Variants in SPRY3 observed in about 807,000 individuals in gnomAD.
SPRY3 encodes the protein protein sprouty homolog 3.
In SPRY3, 15 loss-of-function variants were observed where a neutral mutation model predicts 20.2. The observed-to-expected ratio is 0.74, with a 90% confidence interval of 0.50 to 1.14. The LOEUF is 1.14. Among genes scored for constraint, SPRY3 ranks in the 50% most tolerant of loss-of-function variants. The pLI, the probability that SPRY3 is intolerant of heterozygous loss-of-function variation, is 0.00. For synonymous variants in SPRY3, 143 were observed against 136.5 expected, an observed-to-expected ratio of 1.05 and a Z score of -0.33; for missense variants, 364 against 363.9, an observed-to-expected ratio of 1.00 and a Z score of 0.00.
At chrX:155,750,700 T>C (rs2091257972) in intron 2 of SPRY3, among the ~76,000 whole-genome samples, 1 of 151,802 alleles carries the variant, frequency 6.6e-6, no homozygotes, top group South Asian at 2.1e-4. Flanking sequence ...AGAGTGAGAA[T>C]GGAGTACTAG....
At chrX:155,767,441 A>G (rs755312846) in intron 2 of SPRY3, among the ~76,000 whole-genome samples, 376 of 152,134 alleles carry the variant, frequency 2.5e-3, no homozygotes, top group Middle Eastern at 0.01. Context: ...CACTGGCGGT[A>G]TCTATTGCTC....
chrX:155,703,837 C>A (rs907029151), intron 2 of SPRY3, among the ~76,000 whole-genome samples: 1 of 151,820 alleles, frequency 6.6e-6, no homozygotes, highest in Non-Finnish European at 1.5e-5. Flanking sequence ...GTTGGGGAAA[C>A]CCTTAATCTC....
intron 2 of SPRY3, among the ~76,000 whole-genome samples, chrX:155,659,301 C>A (rs190063455): frequency 2.0e-4 from 22 of 109,940 alleles, no homozygotes; most frequent in African/African-American, 7.3e-4. Flanking sequence ...TCTGCCACCA[C>A]GCCTGGCTAA....
intron 1 of SPRY3, among the ~76,000 whole-genome samples, chrX:155,615,488 G>GAT (rs1176416905): frequency 8.9e-6 from 1 of 112,188 alleles, no homozygotes; most frequent in Non-Finnish European, 1.9e-5. Context: ...AACTACTAGT[G>GAT]ATCTTTGAAA....
intron 2 of SPRY3, among the ~76,000 whole-genome samples, chrX:155,736,766 A>G (rs920742524): frequency 1.3e-5 from 2 of 151,992 alleles, no homozygotes; most frequent in Non-Finnish European, 2.9e-5. Context: ...ATTCTCAGCC[A>G]TTATTATTTC....
intron 2 of SPRY3, among the ~76,000 whole-genome samples, chrX:155,726,027 C>G (rs1431707571): frequency 6.6e-6 from 1 of 152,122 alleles, no homozygotes; most frequent in Non-Finnish European, 1.5e-5. Flanking sequence ...TGTCTTTGAT[C>G]TCATTGATTT....
chrX:155,694,703 C>CTT (rs1335548093), intron 2 of SPRY3, among the ~76,000 whole-genome samples: 1 of 111,875 alleles, frequency 8.9e-6, no homozygotes, highest in African/African-American at 3.2e-5. Flanking sequence ...TGTTGGAAGA[C>CTT]AGTGACAGAC....
exon 4 of SPRY3, chrX:155,774,646 G>C (rs1400221440): frequency 6.2e-7 from 1 of 1,613,880 alleles, no homozygotes; most frequent in Non-Finnish European, 8.5e-7. Flanking sequence ...CCGGCGACCA[G>C]GCTGCCGCTG....
intron 1 of SPRY3, among the ~76,000 whole-genome samples, chrX:155,621,652 A>T (rs1320690058): frequency 1.8e-5 from 2 of 111,478 alleles, no homozygotes; most frequent in Non-Finnish European, 3.8e-5. Flanking sequence ...TGTCCTCTCC[A>T]CTCTGGTAGT....
At chrX:155,616,100 G>GTCTCTCTCCCTCTCTC (rs1557348835) in intron 1 of SPRY3, among the ~76,000 whole-genome samples, 2 of 42,890 alleles carry the variant, frequency 4.7e-5, no homozygotes, top group African/African-American at 1.2e-4. Flanking sequence ...TTTATCTGGG[G>GTCTCTCTCCCTCTCTC]TCTCTCTCTC....
At chrX:155,757,976 T>C (rs1254366458) in intron 2 of SPRY3, among the ~76,000 whole-genome samples, 3 of 152,206 alleles carry the variant, frequency 2.0e-5, no homozygotes, top group African/African-American at 7.2e-5. Context: ...CAGTCATCTC[T>C]GACTTGACTT....
chrX:155,725,982 T>C (rs770810519), intron 2 of SPRY3, among the ~76,000 whole-genome samples: 1 of 152,308 alleles, frequency 6.6e-6, no homozygotes, highest in South Asian at 2.1e-4. Flanking sequence ...CTCTACACAC[T>C]GCTTTAAATG....
intron 2 of SPRY3, among the ~76,000 whole-genome samples, chrX:155,716,401 TG>T (rs2091022893): frequency 6.6e-6 from 1 of 152,190 alleles, no homozygotes; most frequent in African/African-American, 2.4e-5. Flanking sequence ...CTTTAAAGAT[TG>T]CTTCCTTCAA....
chrX:155,629,188 G>C (rs1372984287), intron 1 of SPRY3, among the ~76,000 whole-genome samples: 2 of 82,453 alleles, frequency 2.4e-5, no homozygotes, highest in African/African-American at 9.9e-5. Flanking sequence ...GCCGGTGTGT[G>C]ATGTTCCCCA....
intron 2 of SPRY3, among the ~76,000 whole-genome samples, chrX:155,662,996 A>G (rs1192523147): frequency 8.9e-6 from 1 of 112,190 alleles, no homozygotes; most frequent in African/African-American, 3.2e-5. Flanking sequence ...CTAAGTATAC[A>G]TAAAAAGGCT....
At chrX:155,763,457 C>T (rs981425950) in intron 2 of SPRY3, among the ~76,000 whole-genome samples, 2 of 152,122 alleles carry the variant, frequency 1.3e-5, no homozygotes, top group African/African-American at 4.8e-5. Flanking sequence ...TCTCCCCACT[C>T]CTATATATCA....
At chrX:155,652,243 A>G (rs1191766198) in intron 1 of SPRY3, among the ~76,000 whole-genome samples, 4 of 112,090 alleles carry the variant, frequency 3.6e-5, no homozygotes, top group Non-Finnish European at 7.5e-5. Context: ...GTTATAAACA[A>G]TCCAATTACA....
At chrX:155,676,748 C>T (rs782564324) in intron 2 of SPRY3, among the ~76,000 whole-genome samples, 3 of 111,861 alleles carry the variant, frequency 2.7e-5, no homozygotes, top group South Asian at 3.7e-4. Flanking sequence ...CCTCACATGG[C>T]GGAAGGTGGT....
chrX:155,647,057 T>G (rs369476835), intron 1 of SPRY3, among the ~76,000 whole-genome samples: 3 of 111,909 alleles, frequency 2.7e-5, no homozygotes, highest in African/African-American at 9.7e-5. Context: ...GATCGTATAT[T>G]TTTTTAATCC....
Sources: allele counts gnomAD v4.1 joint callset (sites outside exome capture counted in the v4.1 genomes callset), GRCh38; gene constraint gnomAD v4.1.1; transcripts MANE v1.5; gene names NCBI Gene and HGNC (gene_info 2026-07-23, HGNC 2026-07-21).